The following FBXW7 variants were observed in gnomAD, a reference collection of about 807,000 sequenced individuals.
The protein encoded by FBXW7 is F-box and WD repeat domain containing 7, also known as F-box/WD repeat-containing protein 7.
FBXW7 carries 11 observed loss-of-function variants against 86.3 expected under a neutral mutation model. That is an observed-to-expected ratio of 0.13 (90% confidence interval 0.08 to 0.21). FBXW7 has a LOEUF of 0.21. Among genes scored for constraint, FBXW7 ranks in the 10% least tolerant of loss-of-function variants. FBXW7 has a pLI of 1.00. For missense variants in FBXW7, 488 were observed against 847.4 expected (o/e 0.58, Z 5.27); for synonymous variants, 313 against 297.9 (o/e 1.05, Z -0.52).
chr4:152,328,233 G>A lies in FBXW7; in HGVS notation c.1393C>T (p.Arg465Cys), dbSNP rs867384286. The change falls in exon 11 of 14, where the codon CGT (arginine) becomes TGT (cysteine). Residue 465 changes from arginine (R) to cysteine (C), a missense_variant. Arg to Cys is a radical substitution (Grantham distance 180). Transcript: ENST00000281708. ...HTLYGHTSTV[R>C]CMHLHEKRVV... is the part of the protein sequence containing the mutation. ...CTTTTTTCATGAAGATGCATACAAC[G>A]CACAGTGGAAGTATGCCCATATAAG... 2 of 1,592,590 alleles carry A rather than the reference G, an allele frequency of 1.3e-6. No homozygotes were observed. The highest frequency in any genetic ancestry group is 1.2e-5 in the South Asian group (1 of 86,736).
chr4:152,408,447 A>C (rs1284157170), intron 4 of FBXW7, among the ~76,000 whole-genome samples: 2 of 152,244 alleles, frequency 1.3e-5, no homozygotes, highest in African/African-American at 4.8e-5. Flanking sequence ...GCCAGCACAC[A>C]ACCTCTGCTT....
intron 4 of FBXW7, among the ~76,000 whole-genome samples, chr4:152,388,068 T>C (rs1184112225): frequency 6.6e-6 from 1 of 151,928 alleles, no homozygotes; most frequent in Non-Finnish European, 1.5e-5. Context: ...AAAAGGTATG[T>C]CAAATAAATT....
Position 152,425,364 on chromosome 4 carries a change from T to C in FBXW7, c.-119-12835A>G, listed in dbSNP as rs17028893. ...CAAACATCTCACATATCCTAACTCT[T>C]AATTATTCCCGTTTGTAAGGTTTTG... is the stretch of plus-strand genomic sequence containing the variant. On this transcript the variant is annotated intron_variant, in intron 2 of 13. Coordinates refer to ENST00000281708, the MANE Select transcript of FBXW7 (RefSeq NM_001349798.2). Among the ~76,000 whole-genome samples the C allele has an allele frequency of 2.6e-3, 398 of 152,318 alleles. 2 individuals carry two copies. The highest frequency in any genetic ancestry group is 8.8e-3 in the African/African-American group (367 of 41,582).
At chr4:152,345,667 A>G (rs1045694306) in intron 6 of FBXW7, among the ~76,000 whole-genome samples, 4 of 152,178 alleles carry the variant, frequency 2.6e-5, no homozygotes, top group African/African-American at 9.7e-5. Flanking sequence ...CCAACCAAAA[A>G]AAGGTTATCC....
intron 2 of FBXW7, among the ~76,000 whole-genome samples, chr4:152,515,242 C>A (rs1241797053): frequency 6.6e-6 from 1 of 152,172 alleles, no homozygotes; most frequent in Non-Finnish European, 1.5e-5. Flanking sequence ...TCTCCATCTC[C>A]TCTTTTTTCC....
chr4:152,416,750 A>C (rs1344563026), intron 2 of FBXW7, among the ~76,000 whole-genome samples: 1 of 152,178 alleles, frequency 6.6e-6, no homozygotes, highest in Non-Finnish European at 1.5e-5. Context: ...AGTCAATCAT[A>C]TATATCTTTA....
intron 2 of FBXW7, among the ~76,000 whole-genome samples, chr4:152,484,926 C>T (rs1745211399): frequency 7.0e-6 from 1 of 143,136 alleles, no homozygotes; most frequent in Non-Finnish European, 1.5e-5. Context: ...CGCGCCACTG[C>T]ACTCTAGTGT....
At chr4:152,387,641 T>C (rs2126797941) in intron 4 of FBXW7, among the ~76,000 whole-genome samples, 1 of 139,648 alleles carries the variant, frequency 7.2e-6, no homozygotes, top group African/African-American at 2.6e-5. Context: ...GCAAGCAACA[T>C]ATTACTTTAA....
chr4:152,397,785 C>T (rs1736550964), intron 4 of FBXW7, among the ~76,000 whole-genome samples: 1 of 150,070 alleles, frequency 6.7e-6, no homozygotes, highest in Non-Finnish European at 1.5e-5. Flanking sequence ...GGTGGTTATA[C>T]CCCACAATAT....
chr4:152,488,220 CTGTTA>C (rs958528580), intron 2 of FBXW7, among the ~76,000 whole-genome samples: 2 of 151,964 alleles, frequency 1.3e-5, no homozygotes, highest in African/African-American at 2.4e-5. Flanking sequence ...AAAAAACCTA[CTGTTA>C]TAAGACTGGT....
intron 12 of FBXW7, 104 bp downstream of exon 12, chr4:152,325,902 C>CT: frequency 1.2e-6 from 1 of 839,248 alleles, no homozygotes; most frequent in Non-Finnish European, 1.9e-6. Flanking sequence ...TCTGATTAAT[C>CT]TTTTTTGGAC....
chr4:152,515,058 G>T (rs1026509973), intron 2 of FBXW7, among the ~76,000 whole-genome samples: 12 of 152,102 alleles, frequency 7.9e-5, no homozygotes, highest in Non-Finnish European at 1.5e-4. Context: ...TGGGTATGCT[G>T]GAGAAAAGTT....
intron 4 of FBXW7, among the ~76,000 whole-genome samples, chr4:152,405,005 T>C (rs185408981): frequency 9.4e-4 from 141 of 150,618 alleles, no homozygotes; most frequent in Middle Eastern, 3.4e-3. Flanking sequence ...GGTGGGAGAA[T>C]TGCTTAAGCC....
chr4:152,379,563 A>G (rs1408917450), intron 4 of FBXW7, among the ~76,000 whole-genome samples: 2 of 152,044 alleles, frequency 1.3e-5, no homozygotes, highest in Non-Finnish European at 2.9e-5. Context: ...CTGTCACCCA[A>G]GCTGGAGTGC....
chr4:152,446,319 C>CAAAAAAAAAAA (rs371028631), intron 2 of FBXW7, among the ~76,000 whole-genome samples: 1 of 146,828 alleles, frequency 6.8e-6, no homozygotes, highest in Non-Finnish European at 1.5e-5. Context: ...CCCACCCCCC[C>CAAAAAAAAAAA]AAAAAAAGAC....
At chr4:152,524,802 A>G (rs901935064) in intron 2 of FBXW7, among the ~76,000 whole-genome samples, 2 of 152,178 alleles carry the variant, frequency 1.3e-5, no homozygotes, top group East Asian at 3.8e-4. Flanking sequence ...TGGTAATATA[A>G]AAGTTTAGTA....
At chr4:152,349,258 T>G (rs1731568657) in intron 5 of FBXW7, among the ~76,000 whole-genome samples, 1 of 151,916 alleles carries the variant, frequency 6.6e-6, no homozygotes, top group Non-Finnish European at 1.5e-5. Context: ...TACTGTTAAC[T>G]TTCAATCACT....
rs1206684589 is a variant in FBXW7 at position 152,322,620 on chromosome 4, T to C, written c.*261A>G. The C allele has an allele frequency of 8.4e-6, 4 of 473,630 alleles. No individual in the cohort carries two copies. Among genetic ancestry groups the C allele is most frequent in the Non-Finnish European group, 1.4e-5 (4 of 276,238 alleles). 29.3% of individuals were successfully genotyped at this position (473,630 alleles called of 1,614,324 possible). On this transcript the variant is annotated 3_prime_UTR_variant, in exon 14 of 14. Coordinates refer to ENST00000281708, the MANE Select transcript of FBXW7 (RefSeq NM_001349798.2). ...CCTGGTTTGATTTAGAAAGTCTCAT[T>C]TTGCAAAGCTGCCCTCAGTCAAAAG...
At chr4:152,382,874 G>A (rs1735213119) in intron 4 of FBXW7, among the ~76,000 whole-genome samples, 2 of 151,482 alleles carry the variant, frequency 1.3e-5, no homozygotes, top group East Asian at 1.9e-4. Context: ...CTGTGTTTAC[G>A]TATGGTTTAA....
Sources: gnomAD v4.1 joint callset for allele counts (sites outside exome capture counted in the v4.1 genomes callset) on GRCh38, gnomAD v4.1.1 for gene constraint, MANE v1.5 for transcripts, NCBI Gene and HGNC (gene_info 2026-07-23, HGNC 2026-07-21) for gene names.